KDM4C: variants seen among roughly 807,000 people sequenced by gnomAD.
KDM4C encodes the protein lysine-specific demethylase 4C.
Under a neutral mutation model 129.3 loss-of-function variants are expected in KDM4C, and 81 were observed. The observed-to-expected ratio is 0.63, with a 90% CI of 0.52 to 0.75. The LOEUF is 0.75. Among genes scored for constraint, KDM4C ranks in the 30% least tolerant of loss-of-function variants. KDM4C has a pLI of 0.00. For missense variants in KDM4C, 1,457 were observed against 1,304.0 expected (o/e 1.12, Z -1.81); for synonymous variants, 573 against 456.1 (o/e 1.26, Z -3.26).
chr9:6,750,142 G>T (rs980898400), intron 1 of KDM4C, among the ~76,000 whole-genome samples: 1 of 151,478 alleles, frequency 6.6e-6, no homozygotes, highest in African/African-American at 2.4e-5. Flanking sequence ...TTTCTTAGAG[G>T]TAAGACAGCT....
At chr9:6,991,631 CAAG>C (rs1308469578) in intron 12 of KDM4C, among the ~76,000 whole-genome samples, 1 of 152,140 alleles carries the variant, frequency 6.6e-6, no homozygotes, top group African/African-American at 2.4e-5. Flanking sequence ...AAGTGAGTAA[CAAG>C]AAGCTCAAGT....
chr9:7,072,313 A>C (rs1833309902), intron 17 of KDM4C, among the ~76,000 whole-genome samples: 1 of 152,222 alleles, frequency 6.6e-6, no homozygotes, highest in South Asian at 2.1e-4. Context: ...GAATTTACTT[A>C]AGAGAAATGA....
intron 8 of KDM4C, among the ~76,000 whole-genome samples, chr9:6,958,943 CA>C (rs1345008719): frequency 6.6e-6 from 1 of 152,134 alleles, no homozygotes; most frequent in African/African-American, 2.4e-5. Flanking sequence ...CCACCATGCC[CA>C]GCCTATGTGT....
intron 2 of KDM4C, 47 bp from the exon 3 acceptor site, chr9:6,805,552 T>A: frequency 7.3e-7 from 1 of 1,377,872 alleles, no homozygotes; most frequent in South Asian, 1.4e-5. Flanking sequence ...GCTAAATTAC[T>A]TGGAGTATTT....
intron 1 of KDM4C, among the ~76,000 whole-genome samples, chr9:6,768,185 G>T (rs1318537323): frequency 2.0e-5 from 3 of 152,082 alleles, no homozygotes; most frequent in Middle Eastern, 3.4e-3. Flanking sequence ...AATTAAACTG[G>T]CAAGAAGAAC....
chr9:6,867,905 C>T (rs1842298642), intron 5 of KDM4C, among the ~76,000 whole-genome samples: 1 of 152,182 alleles, frequency 6.6e-6, no homozygotes. Context: ...TAAAATCTTA[C>T]ATGGAATCCA....
chr9:7,020,803 G>A (rs535749905), intron 15 of KDM4C, among the ~76,000 whole-genome samples: 1 of 152,112 alleles, frequency 6.6e-6, no homozygotes, highest in East Asian at 1.9e-4. Flanking sequence ...TTTATGCTTT[G>A]TGTTACAAAC....
intron 1 of KDM4C, among the ~76,000 whole-genome samples, chr9:6,762,104 C>T (rs1228943079): frequency 6.6e-6 from 1 of 151,994 alleles, no homozygotes. Flanking sequence ...GCCCATTTTT[C>T]TGTTTTTATT....
At chr9:6,797,238 T>TG (rs1827918314) in intron 2 of KDM4C, among the ~76,000 whole-genome samples, 1 of 152,088 alleles carries the variant, frequency 6.6e-6, no homozygotes, top group Admixed American at 6.6e-5. Context: ...TCTCCCACCT[T>TG]GGCCTCCCAA....
chr9:6,786,193 A>G (rs1825454195), intron 1 of KDM4C, among the ~76,000 whole-genome samples: 1 of 152,202 alleles, frequency 6.6e-6, no homozygotes. Context: ...ATAGAGTATT[A>G]CATTTGGCCG....
intron 15 of KDM4C, among the ~76,000 whole-genome samples, chr9:7,041,025 G>GT (rs570741504): frequency 1.3e-3 from 185 of 145,022 alleles, no homozygotes; most frequent in East Asian, 5.9e-3. Flanking sequence ...AAACTGAGTA[G>GT]TTTTTTTTTT....
chr9:6,834,278 C>G (rs901888570), intron 4 of KDM4C, among the ~76,000 whole-genome samples: 3 of 152,116 alleles, frequency 2.0e-5, no homozygotes, highest in African/African-American at 2.4e-5. Context: ...CTCAAGCAAT[C>G]TGCTCGCCTT....
chr9:6,856,919 G>A (rs910481461), intron 5 of KDM4C, among the ~76,000 whole-genome samples: 2 of 151,832 alleles, frequency 1.3e-5, no homozygotes, highest in African/African-American at 2.4e-5. Flanking sequence ...CACCGCGCCC[G>A]GCTAATTTTT....
intron 15 of KDM4C, among the ~76,000 whole-genome samples, chr9:7,039,144 T>G (rs1192491973): frequency 6.6e-6 from 1 of 151,954 alleles, no homozygotes; most frequent in Non-Finnish European, 1.5e-5. Context: ...CTTTTATAGG[T>G]CTGTTCTGTT....
At chr9:7,011,978 A>C (rs1015504651) in intron 13 of KDM4C, 99 bp downstream of exon 13, 2 of 977,528 alleles carry the variant, frequency 2.0e-6, no homozygotes, top group African/African-American at 3.2e-5. Context: ...TCCTTTGCAC[A>C]TAAGAAGGAA....
At chr9:7,033,177 G>C (rs920709655) in intron 15 of KDM4C, among the ~76,000 whole-genome samples, 1 of 145,626 alleles carries the variant, frequency 6.9e-6, no homozygotes, top group Non-Finnish European at 1.5e-5. Context: ...ACGGGATACT[G>C]TCAAGACCAG....
chr9:6,761,032 C>T (rs1310697208), intron 1 of KDM4C, among the ~76,000 whole-genome samples: 2 of 137,370 alleles, frequency 1.5e-5, no homozygotes, highest in Non-Finnish European at 3.0e-5. Context: ...GACGGAATCT[C>T]GCTCTGTTGT....
intron 8 of KDM4C, among the ~76,000 whole-genome samples, chr9:6,908,877 AAAT>A (rs1818788408): frequency 6.6e-6 from 1 of 152,200 alleles, no homozygotes; most frequent in African/African-American, 2.4e-5. Flanking sequence ...TGATTAAATC[AAAT>A]AATGAGAGTA....
intron 13 of KDM4C, 131 bp from the exon 14 acceptor site, chr9:7,013,657 G>C: frequency 1.3e-6 from 1 of 799,296 alleles, no homozygotes; most frequent in East Asian, 2.7e-5. Context: ...TAGTAGTTTG[G>C]TCAAGGAGAA....
Sources: allele counts gnomAD v4.1 joint callset (sites outside exome capture counted in the v4.1 genomes callset), GRCh38; gene constraint gnomAD v4.1.1; transcripts MANE v1.5; gene names NCBI Gene and HGNC (gene_info 2026-07-23, HGNC 2026-07-21).